DGKD: variants seen among roughly 807,000 people sequenced by gnomAD.
DGKD encodes DAG kinase delta.
DGKD carries 68 observed loss-of-function variants against 154.4 expected under a neutral mutation model. The ratio of observed to expected loss-of-function variants is 0.44; its 90% confidence interval spans 0.36 to 0.54. DGKD has a LOEUF of 0.54. Ranked by LOEUF, DGKD falls within the 20% of genes least tolerant of loss-of-function variation. The probability of loss-of-function intolerance (pLI) is 0.00; values close to 1 mark genes in which losing one functional copy is unlikely to be tolerated. For synonymous variants in DGKD, 693 were observed against 638.0 expected (o/e 1.09, Z -1.30); for missense variants, 1,343 against 1,593.6 (o/e 0.84, Z 2.68).
chr2:233,454,960 G>A, intron 19 of DGKD, 87 bp downstream of exon 19: 2 of 840,206 alleles, frequency 2.4e-6, no homozygotes, highest in Non-Finnish European at 3.9e-6. Context: ...GAGTCAGCAG[G>A]TTAAAGAACG....
rs748316461 is a variant in DGKD, at chr2:233,449,278, CG to C, written c.1792del (p.Ala598ProfsTer14). ...TGDRLVASAC[P>X]ARPQIFRPRE... ...GACCGCTTGGTGGCATCAGCTTGCC[CG>C]GCCCGGCCGCAGATATTCCGGCCTC... On this transcript the variant is annotated frameshift_variant, in exon 15 of 30. Transcript: ENST00000264057. LOFTEE classifies it high-confidence loss of function. The surrounding 1 kb of genome is among the most constrained non-coding windows in gnomAD (Gnocchi z 5.3). 1 of 1,613,352 alleles carries C rather than the reference CG, an allele frequency of 6.2e-7. No homozygotes were observed. The highest frequency in any genetic ancestry group is 8.5e-7 in the Non-Finnish European group (1 of 1,179,638).
chr2:233,378,411 CAAAA>C (rs373116594), intron 1 of DGKD, among the ~76,000 whole-genome samples: 14 of 118,708 alleles, frequency 1.2e-4, no homozygotes, highest in Non-Finnish European at 2.0e-4. Context: ...GACTCCATCT[CAAAA>C]AAAAAAAAAA....
rs750248585 is a variant in DGKD, at chr2:233,467,160, AAAC to A, written c.3387_3389del (p.Asn1129del). On this transcript the variant is annotated inframe_deletion, in exon 28 of 30. Coordinates refer to ENST00000264057, the MANE Select transcript of DGKD (RefSeq NM_152879.3). The stretch of plus-strand genomic sequence containing the variant: ...TCGTGACCAAGTTTAAAAAGGAGAA[AAAC>A]AACAAGAACAAAGAAGCTCACAGTA... 41 of 1,614,100 alleles carry A rather than the reference AAAC, an allele frequency of 2.5e-5. No individual in the cohort carries two copies. The highest frequency in any genetic ancestry group is 3.3e-5 in the Admixed American group (2 of 60,014).
chr2:233,448,150 G>T lies in DGKD; in HGVS notation c.1483G>T (p.Asp495Tyr). ...AAHLSKILTS[D>Y]QHSVVISSAK... The stretch of plus-strand genomic sequence containing the variant: ...CCACCTTTCTAAAATCCTCACCTCG[G>T]ACCAGCACTCGGTGGTCATCTCCTC... The change falls in exon 13 of 30, where the codon GAC becomes TAC. Residue 495 changes from aspartate (D) to tyrosine (Y), a missense_variant. Coordinates refer to ENST00000264057, the MANE Select transcript of DGKD (RefSeq NM_152879.3). The T allele has an allele frequency of 6.2e-7, 1 of 1,614,124 alleles. No homozygotes were observed. The highest frequency in any genetic ancestry group is 8.5e-7 in the Non-Finnish European group (1 of 1,180,020).
At chr2:233,450,866 G>A in intron 16 of DGKD, 56 bp from the exon 17 acceptor site, 1 of 1,558,974 alleles carries the variant, frequency 6.4e-7, no homozygotes, top group Non-Finnish European at 8.8e-7. Context: ...GGACCCCCCA[G>A]GATTTCACAG....
chr2:233,462,714 G>A lies in DGKD; in HGVS notation c.3165G>A (p.Leu1055=), dbSNP rs1340322324. ...CTCTGCGCAGTGAGACGGAGCTGCTGCTGTCTGGGAAGATGGCCCTGGTAA... is the reference window on the plus strand; with the variant it reads ...CTCTGCGCAGTGAGACGGAGCTGCTACTGTCTGGGAAGATGGCCCTGGTAA... ...FRALRSETEL[L]LSGKMALQLD... is the part of the protein sequence containing the mutation. Residue 1055 remains leucine, a synonymous_variant, in exon 26 of 30, where the codon CTG becomes CTA. Coordinates refer to ENST00000264057, the MANE Select transcript of DGKD (RefSeq NM_152879.3). 1.2e-6 allele frequency: 2 copies of A among 1,613,914 alleles called. No individual in the cohort carries two copies. The highest frequency in any genetic ancestry group is 1.1e-5 in the South Asian group (1 of 91,084).
At position 233,354,898 on chromosome 2, in the gene DGKD, C is replaced by CG. The variant is rs1469659302; in HGVS notation, c.156+230dup. On this transcript the variant is annotated intron_variant, in intron 1 of 29. Transcript: ENST00000264057. This position sits in a 1 kb window ranked among gnomAD's most constrained non-coding sequence, Gnocchi z 4.8. ...GACGGCGGGCGGCTGTGGGGCCGGG[C>CG]GGGGGGCGCGCAGGTGGGCGCCCCG... Among the ~76,000 whole-genome samples, 5 of 144,794 alleles carry CG rather than the reference C, an allele frequency of 3.5e-5. No homozygotes were observed. Among genetic ancestry groups the CG allele is most frequent in the East Asian group, 2.0e-4 (1 of 4,940 alleles). 95.0% of individuals were successfully genotyped at this position (144,794 alleles called of 152,430 possible). A position where few individuals can be genotyped will look rare whatever the true frequency, so the allele number is the denominator to read the frequency against.
intron 19 of DGKD, among the ~76,000 whole-genome samples, 154 bp downstream of exon 19, chr2:233,455,027 C>T (rs747181198): frequency 6.6e-6 from 1 of 152,102 alleles, no homozygotes; most frequent in Non-Finnish European, 1.5e-5. Flanking sequence ...GTCAGAAGCA[C>T]GGGTGCTTTC....
chr2:233,371,867 AGGAGTGCTT>A (rs1355753443), intron 1 of DGKD, among the ~76,000 whole-genome samples: 1 of 152,198 alleles, frequency 6.6e-6, no homozygotes, highest in East Asian at 1.9e-4. Context: ...AGAGCTCCTC[AGGAGTGCTT>A]GGAAATCTCA....
Position 233,449,519 on chromosome 2 carries a change from C to A in DGKD, c.1888+143C>A, listed in dbSNP as rs562549736. 1 of 1,213,124 alleles carries A rather than the reference C, an allele frequency of 8.2e-7. No homozygotes were observed. The highest frequency in any genetic ancestry group is 2.6e-5 in the East Asian group (1 of 38,726). The allele number at this position is 1,213,124 out of a possible 1,614,324, so 75.1% of individuals were successfully genotyped here. A position where few individuals can be genotyped will look rare whatever the true frequency, so the allele number is the denominator to read the frequency against. ...TCTCCACCCATGTCCAGGCACCAGACCCCCAACGAGTTCGCTTGCCCTCCT... is the reference window on the plus strand; with the variant it reads ...TCTCCACCCATGTCCAGGCACCAGAACCCCAACGAGTTCGCTTGCCCTCCT... On this transcript the variant is annotated intron_variant, in intron 15 of 29. Coordinates refer to ENST00000264057, the MANE Select transcript of DGKD (RefSeq NM_152879.3). The surrounding 1 kb of genome is among the most constrained non-coding windows in gnomAD (Gnocchi z 5.3).
At chr2:233,461,442 C>T (rs1477788423) in intron 24 of DGKD, among the ~76,000 whole-genome samples, 1 of 152,246 alleles carries the variant, frequency 6.6e-6, no homozygotes, top group Non-Finnish European at 1.5e-5. Context: ...CAGTCATCAC[C>T]GGCGTTCCTC....
rs539807308 is a variant in DGKD at position 233,380,703 on chromosome 2, C to T, written c.157-7554C>T. Among the ~76,000 whole-genome samples the T allele has an allele frequency of 4.6e-5, 7 of 152,180 alleles. No homozygotes were observed. In the South Asian group the frequency reaches 8.3e-4, roughly 18 times the overall value. ...GTGGGGGGGTGTTAACACCACATACCGCAGCATACCGCAGTAAGAGAAGCG... is the reference window on the plus strand; with the variant it reads ...GTGGGGGGGTGTTAACACCACATACTGCAGCATACCGCAGTAAGAGAAGCG... On this transcript the variant is annotated intron_variant, in intron 1 of 29. Coordinates refer to ENST00000264057, the MANE Select transcript of DGKD (RefSeq NM_152879.3).
chr2:233,390,050 AT>A (rs1703489552), intron 2 of DGKD, among the ~76,000 whole-genome samples: 1 of 152,258 alleles, frequency 6.6e-6, no homozygotes, highest in Non-Finnish European at 1.5e-5. Flanking sequence ...GTGTGAGAAC[AT>A]ACTTCACATG....
chr2:233,467,824 G>A (rs558838287), intron 28 of DGKD, among the ~76,000 whole-genome samples: 7 of 152,220 alleles, frequency 4.6e-5, no homozygotes, highest in African/African-American at 1.7e-4. Flanking sequence ...GGCAGCTCCT[G>A]TGGGTTTTTC....
chr2:233,462,717 G>T lies in DGKD; in HGVS notation c.3168G>T (p.Leu1056=). ...TGCGCAGTGAGACGGAGCTGCTGCTGTCTGGGAAGATGGCCCTGGTAAGCT... is the reference window on the plus strand; with the variant it reads ...TGCGCAGTGAGACGGAGCTGCTGCTTTCTGGGAAGATGGCCCTGGTAAGCT... ...RALRSETELL[L]SGKMALQLDP... Residue 1056 remains leucine, a synonymous_variant, in exon 26 of 30, where the codon CTG becomes CTT. Transcript: ENST00000264057. 6.2e-7 allele frequency: 1 copy of T among 1,613,892 alleles called. No homozygotes were observed. The highest frequency in any genetic ancestry group is 8.5e-7 in the Non-Finnish European group (1 of 1,180,004).
chr2:233,382,110 T>C (rs925880741), intron 1 of DGKD, among the ~76,000 whole-genome samples: 3 of 152,150 alleles, frequency 2.0e-5, no homozygotes, highest in African/African-American at 7.2e-5. Flanking sequence ...AGTGCGCGCC[T>C]GTAATCCCAG....
chr2:233,389,811 T>C (rs1703470553), intron 2 of DGKD, among the ~76,000 whole-genome samples: 1 of 152,174 alleles, frequency 6.6e-6, no homozygotes. Flanking sequence ...TCCCCAGGCC[T>C]GACTCCCAGC....
At chr2:233,451,853 A>T in intron 17 of DGKD, 111 bp from the exon 18 acceptor site, 1 of 880,886 alleles carries the variant, frequency 1.1e-6, no homozygotes, top group Non-Finnish European at 1.7e-6. Flanking sequence ...AGAAACATTT[A>T]ATTATAATAA....
At chr2:233,391,612 T>C (rs1703625467) in intron 3 of DGKD, among the ~76,000 whole-genome samples, 1 of 152,244 alleles carries the variant, frequency 6.6e-6, no homozygotes, top group Non-Finnish European at 1.5e-5. Context: ...CTTTATGTTA[T>C]TAGGCCATCC....
Sources: gnomAD v4.1 joint callset for allele counts (sites outside exome capture counted in the v4.1 genomes callset) on GRCh38, gnomAD v4.1.1 for gene constraint, Gnocchi (gnomAD v3.1) non-coding constraint, MANE v1.5 for transcripts, NCBI Gene and HGNC (gene_info 2026-07-23, HGNC 2026-07-21) for gene names.